Variants in DNAAF11 observed in about 807,000 individuals in gnomAD.
DNAAF11 encodes dynein axonemal assembly factor 11.
In DNAAF11, 45 loss-of-function variants were observed where a neutral mutation model predicts 60.8. The observed-to-expected ratio is 0.74, with a 90% CI of 0.58 to 0.95. The LOEUF (loss-of-function observed/expected upper bound fraction) is 0.95, where lower values mean the gene tolerates loss of function less well. DNAAF11 is among the 40% of genes least tolerant of loss of function. The pLI, the probability that DNAAF11 is intolerant of heterozygous loss-of-function variation, is 0.00. For missense variants in DNAAF11, 546 were observed against 546.2 expected (o/e 1.00, Z 0.00); for synonymous variants, 191 against 183.5 (o/e 1.04, Z -0.33).
rs77218147 is a variant in DNAAF11, at chr8:132,596,029, C to A, written c.1141-12250G>T. 4.6e-5 allele frequency among the ~76,000 whole-genome samples: 7 copies of A among 152,148 alleles called. No homozygotes were observed. The East Asian group carries it at 1.4e-3, about 29-fold the overall frequency. Reference sequence around the variant, plus strand: ...TGAACAACTGTGTATCAGTTGATGGCGCCATTTTCTGAGACAAGGATGACT... The same window carrying A: ...TGAACAACTGTGTATCAGTTGATGGAGCCATTTTCTGAGACAAGGATGACT... On this transcript the variant is annotated intron_variant, in intron 10 of 11. Transcript: ENST00000620350.
chr8:132,588,397 G>C (rs950457739), intron 10 of DNAAF11, among the ~76,000 whole-genome samples: 1 of 152,044 alleles, frequency 6.6e-6, no homozygotes, highest in East Asian at 1.9e-4. Flanking sequence ...CTTTCTCTTG[G>C]ATATTTCACT....
At chr8:132,628,369 G>A (rs763287123) in intron 5 of DNAAF11, among the ~76,000 whole-genome samples, 7 of 151,764 alleles carry the variant, frequency 4.6e-5, no homozygotes, top group Non-Finnish European at 8.8e-5. Context: ...CCGAGATTGC[G>A]CCATTGCACT....
chr8:132,611,665 T>G (rs377049628), intron 8 of DNAAF11, among the ~76,000 whole-genome samples: 61 of 152,288 alleles, frequency 4.0e-4, no homozygotes, highest in African/African-American at 1.0e-3. Context: ...CTTTCATGAA[T>G]ATTTTATTTT....
intron 5 of DNAAF11, among the ~76,000 whole-genome samples, chr8:132,626,807 G>T (rs757889149): frequency 1.7e-4 from 26 of 152,122 alleles, no homozygotes; most frequent in Admixed American, 7.2e-4. Context: ...AATACATGTT[G>T]GGTTTTGTTA....
chr8:132,631,875 G>A (rs1820835329), intron 5 of DNAAF11, among the ~76,000 whole-genome samples: 1 of 152,132 alleles, frequency 6.6e-6, no homozygotes, highest in Non-Finnish European at 1.5e-5. Flanking sequence ...TGGGGTTGGG[G>A]GAGTGGGGAG....
chr8:132,695,831 C>T, the DNAAF11 span, among the ~76,000 whole-genome samples: 208 of 151,960 alleles, frequency 1.4e-3, no homozygotes, highest in Middle Eastern at 0.014. Context: ...GAGTTTAACC[C>T]GGAAAGTACA....
the DNAAF11 span, among the ~76,000 whole-genome samples, chr8:132,681,142 C>G: frequency 4.0e-5 from 6 of 149,424 alleles, no homozygotes; most frequent in African/African-American, 1.5e-4. Flanking sequence ...TCCCAAGTAG[C>G]TGGGATTAAA....
At chr8:132,601,933 T>TAAA (rs903937102) in intron 10 of DNAAF11, among the ~76,000 whole-genome samples, 3 of 151,798 alleles carry the variant, frequency 2.0e-5, no homozygotes, top group East Asian at 1.9e-4. Flanking sequence ...ATAATAATAA[T>TAAA]AAACTATCTC....
In DNAAF11 at chr8:132,617,088, C is replaced by A. The variant is rs13439610; in HGVS notation, c.915-1991G>T. Among the ~76,000 whole-genome samples the A allele has an allele frequency of 1.9e-3, 289 of 152,186 alleles. 4 individuals are homozygous for A. Among genetic ancestry groups the A allele is most frequent in the African/African-American group, 6.0e-3 (250 of 41,512 alleles). ...GGTACAATTATCTTTTAGAATAGAA[C>A]AAAGAACCAGGAACCGAAACCCTCT... is the stretch of plus-strand genomic sequence containing the variant. On this transcript the variant is annotated intron_variant, in intron 7 of 11. Coordinates refer to ENST00000620350, the MANE Select transcript of DNAAF11 (RefSeq NM_012472.6).
In DNAAF11 at chr8:132,656,858, G is replaced by T; in HGVS notation, c.228C>A (p.Asn76Lys). 1 of 1,367,820 alleles carries T rather than the reference G, an allele frequency of 7.3e-7. No homozygotes were observed. Among genetic ancestry groups the T allele is most frequent in the Non-Finnish European group, 1.0e-6 (1 of 975,194 alleles). 84.7% of individuals were successfully genotyped at this position (1,367,820 alleles called of 1,614,324 possible). Residue 76 changes from asparagine (N) to lysine (K), a missense_variant, in exon 3 of 12, where the codon AAC becomes AAA. Asn to Lys is a moderately conservative substitution (Grantham distance 94). Transcript: ENST00000620350. Reference protein sequence around the residue: ...KKLEYLNLALNNIEKIENLEG... With the variant: ...KKLEYLNLALKNIEKIENLEG... ...CCAAGTTTTCTATTTTTTCAATGTT[G>T]TTTAAAGCTAAATTCAAATATTCAA... is the stretch of plus-strand genomic sequence containing the variant.
intron 3 of DNAAF11, among the ~76,000 whole-genome samples, chr8:132,639,914 A>C (rs1186102788): frequency 6.6e-6 from 1 of 152,216 alleles, no homozygotes; most frequent in Admixed American, 6.5e-5. Flanking sequence ...GAGAAAAGAT[A>C]AAACGAGAAA....
At chr8:132,675,547 C>G (rs547716141), upstream of DNAAF11, 9 of 1,540,264 alleles carry the variant, frequency 5.8e-6, no homozygotes, top group Middle Eastern at 1.7e-4. Context: ...TCGAATGACG[C>G]TTTTCACCCT....
intron 5 of DNAAF11, among the ~76,000 whole-genome samples, chr8:132,631,853 C>A (rs1486444697): frequency 6.6e-6 from 1 of 151,406 alleles, no homozygotes; most frequent in African/African-American, 2.4e-5. Flanking sequence ...CATCACACAC[C>A]GGGGCCTGTT....
intron 1 of DNAAF11, among the ~76,000 whole-genome samples, chr8:132,667,635 T>A (rs1314757800): frequency 1.3e-5 from 2 of 152,222 alleles, no homozygotes; most frequent in African/African-American, 4.8e-5. Flanking sequence ...TCTGTCTGAC[T>A]GGAGAAATAA....
At chr8:132,698,415 T>C in the DNAAF11 span, among the ~76,000 whole-genome samples, 44 of 152,288 alleles carry the variant, frequency 2.9e-4, no homozygotes, top group Non-Finnish European at 5.1e-4. Flanking sequence ...GGCAACTCTC[T>C]TCCAGGGTTT....
At chr8:132,662,547 C>T (rs556533087) in intron 1 of DNAAF11, among the ~76,000 whole-genome samples, 3 of 152,200 alleles carry the variant, frequency 2.0e-5, no homozygotes, top group African/African-American at 7.2e-5. Context: ...TAAAGACTCA[C>T]TGTCACTTAC....
At chr8:132,576,305 G>A (rs1267939324) in intron 11 of DNAAF11, among the ~76,000 whole-genome samples, 1 of 152,136 alleles carries the variant, frequency 6.6e-6, no homozygotes, top group Non-Finnish European at 1.5e-5. Flanking sequence ...TTCAATAAGT[G>A]TTTACTGAGT....
chr8:132,690,312 C>A, the DNAAF11 span, among the ~76,000 whole-genome samples: 1 of 151,764 alleles, frequency 6.6e-6, no homozygotes, highest in African/African-American at 2.4e-5. Flanking sequence ...TCTCGTGATA[C>A]TGAGTTCTCA....
chr8:132,646,113 A>AG, intron 3 of DNAAF11, among the ~76,000 whole-genome samples: 1 of 152,290 alleles, frequency 6.6e-6, no homozygotes, highest in East Asian at 1.9e-4. Flanking sequence ...CACAAAGGGA[A>AG]CCCATCAGAC....
Sources: gnomAD v4.1 joint callset for allele counts (sites outside exome capture counted in the v4.1 genomes callset) on GRCh38, gnomAD v4.1.1 for gene constraint, MANE v1.5 for transcripts, NCBI Gene and HGNC (gene_info 2026-07-23, HGNC 2026-07-21) for gene names.